Variants in DIS3L2 observed in about 807,000 individuals in gnomAD.
The protein encoded by DIS3L2 is DIS3 like 3'-5' exoribonuclease 2.
In DIS3L2, 34 loss-of-function variants were observed where a neutral mutation model predicts 97.5. That is an observed-to-expected ratio of 0.35 (90% CI 0.27 to 0.46). The LOEUF is 0.46. DIS3L2 is among the 20% of genes least tolerant of loss of function. The probability of loss-of-function intolerance (pLI) is 1.00; values close to 1 mark genes in which losing one functional copy is unlikely to be tolerated. For synonymous variants in DIS3L2, 435 were observed against 445.2 expected, an observed-to-expected ratio of 0.98 and a Z score of 0.29; for missense variants, 1,038 against 1,146.0, an observed-to-expected ratio of 0.91 and a Z score of 1.36.
chr2:232,194,662 A>G (rs1691700966), intron 9 of DIS3L2, among the ~76,000 whole-genome samples: 1 of 152,240 alleles, frequency 6.6e-6, no homozygotes, highest in South Asian at 2.1e-4. Flanking sequence ...GGAAAGAAAG[A>G]GAGGAGACTG....
At chr2:232,326,170 C>T (rs552363082) in intron 14 of DIS3L2, among the ~76,000 whole-genome samples, 75 of 152,226 alleles carry the variant, frequency 4.9e-4, no homozygotes, top group Admixed American at 1.6e-3. Flanking sequence ...CCTCCCCATC[C>T]CAGGACCTTG....
chr2:232,047,272 T>C (rs965787395), intron 5 of DIS3L2, among the ~76,000 whole-genome samples: 11 of 152,218 alleles, frequency 7.2e-5, no homozygotes, highest in African/African-American at 2.7e-4. Context: ...TGCAAGATCA[T>C]AGACTAGTGC....
rs1403581519 is a variant in DIS3L2 at position 232,136,757 on chromosome 2, G to A, written c.950+38G>A. 14 of 1,604,744 alleles carry A rather than the reference G, an allele frequency of 8.7e-6. No individual in the cohort carries two copies. In the East Asian group the frequency reaches 9.0e-5, roughly 10 times the overall value. Reference sequence around the variant, plus strand: ...TGGTAGGAAAAACCACAGGTCACAGGCAGAACTCAGTTTAGGTGGTCTTTA... The same window carrying A: ...TGGTAGGAAAAACCACAGGTCACAGACAGAACTCAGTTTAGGTGGTCTTTA... On this transcript the variant is annotated intron_variant, in intron 8 of 20. Transcript: ENST00000325385.
chr2:232,046,622 A>G (rs900394839), intron 5 of DIS3L2, among the ~76,000 whole-genome samples: 4 of 152,130 alleles, frequency 2.6e-5, no homozygotes, highest in Admixed American at 6.5e-5. Flanking sequence ...TAGACTCTAG[A>G]TCCCTCACTG....
At chr2:232,017,918 G>A (rs575046807) in intron 3 of DIS3L2, among the ~76,000 whole-genome samples, 1 of 152,156 alleles carries the variant, frequency 6.6e-6, no homozygotes, top group Admixed American at 6.5e-5. Flanking sequence ...TGGCTTTTAT[G>A]TTTCCCCCAG....
intron 5 of DIS3L2, among the ~76,000 whole-genome samples, chr2:232,048,686 G>A (rs1308269135): frequency 6.6e-6 from 1 of 151,508 alleles, no homozygotes; most frequent in Non-Finnish European, 1.5e-5. Context: ...GAGCCCAGAC[G>A]CGCCACTGCA....
In DIS3L2 at chr2:232,209,143, G is replaced by A. The variant is rs555946906; in HGVS notation, c.1125-1183G>A. ...TAATTAATACTCTCTTAGGATGGAAGTATTGTGGTTAGGATTAGAGAGGGC... is the reference window on the plus strand; with the variant it reads ...TAATTAATACTCTCTTAGGATGGAAATATTGTGGTTAGGATTAGAGAGGGC... On this transcript the variant is annotated intron_variant, in intron 9 of 20. Coordinates refer to ENST00000325385, the MANE Select transcript of DIS3L2 (RefSeq NM_152383.5). Among the ~76,000 whole-genome samples the A allele has an allele frequency of 1.8e-3, 275 of 152,278 alleles. 2 individuals are homozygous for A. Among genetic ancestry groups the A allele is most frequent in the African/African-American group, 6.4e-3 (268 of 41,552 alleles).
At chr2:232,248,290 C>G (rs1011171042) in intron 11 of DIS3L2, among the ~76,000 whole-genome samples, 4 of 152,140 alleles carry the variant, frequency 2.6e-5, no homozygotes, top group Non-Finnish European at 5.9e-5. Flanking sequence ...TATCCATGCT[C>G]AACACTGCAA....
intron 14 of DIS3L2, among the ~76,000 whole-genome samples, chr2:232,312,026 C>T (rs1695148508): frequency 6.6e-6 from 1 of 152,116 alleles, no homozygotes; most frequent in African/African-American, 2.4e-5. Context: ...AAATTTCTTG[C>T]CTGTTTTTCT....
chr2:232,334,796 G>A, intron 19 of DIS3L2, 61 bp downstream of exon 19: 2 of 1,460,888 alleles, frequency 1.4e-6, no homozygotes, highest in Non-Finnish European at 9.3e-7. Flanking sequence ...CGCACTGGAG[G>A]GGCACAGGCT....
intron 9 of DIS3L2, among the ~76,000 whole-genome samples, chr2:232,199,621 C>CA (rs772855093): frequency 6.3e-4 from 95 of 151,036 alleles, no homozygotes; most frequent in Non-Finnish European, 8.9e-4. Flanking sequence ...GTGCAAAAAG[C>CA]AAAATGAAAA....
chr2:232,311,444 G>C (rs1437544750), intron 14 of DIS3L2, among the ~76,000 whole-genome samples: 1 of 152,194 alleles, frequency 6.6e-6, no homozygotes, highest in African/African-American at 2.4e-5. Flanking sequence ...AATAGAACAT[G>C]GCCAGGTGCA....
chr2:232,012,211 A>G (rs1011636196), intron 1 of DIS3L2, among the ~76,000 whole-genome samples: 10 of 152,158 alleles, frequency 6.6e-5, no homozygotes, highest in Admixed American at 5.9e-4. Flanking sequence ...TTTATGGAGC[A>G]GCTTTTGAGC....
At chr2:232,236,410 G>A (rs1474081236) in intron 10 of DIS3L2, among the ~76,000 whole-genome samples, 1 of 152,188 alleles carries the variant, frequency 6.6e-6, no homozygotes. Flanking sequence ...AATGGAAAGG[G>A]AATTGATCCA....
At chr2:231,979,177 T>C (rs1482764845) in intron 1 of DIS3L2, among the ~76,000 whole-genome samples, 6 of 152,104 alleles carry the variant, frequency 3.9e-5, no homozygotes, top group African/African-American at 1.4e-4. Context: ...CCTATGTTCT[T>C]ACTGTATTTA....
In DIS3L2 at chr2:232,292,214, A is replaced by G. The variant is rs776141367; in HGVS notation, c.1660-7826A>G. ...AGGTCACATATCTTTTAATAGTTAC[A>G]TTAAAAGACTCAGTGGACACCCCTC... On this transcript the variant is annotated intron_variant, in intron 13 of 20. Transcript: ENST00000325385. This position sits in a 1 kb window ranked among gnomAD's most constrained non-coding sequence, Gnocchi z 4.4. Among the ~76,000 whole-genome samples, 6 of 152,172 alleles carry G rather than the reference A, an allele frequency of 3.9e-5. No individual in the cohort carries two copies. The highest frequency in any genetic ancestry group is 1.2e-4 in the African/African-American group (5 of 41,440).
chr2:232,008,384 T>G (rs185721926), intron 1 of DIS3L2, among the ~76,000 whole-genome samples: 2 of 151,998 alleles, frequency 1.3e-5, no homozygotes, highest in African/African-American at 4.8e-5. Flanking sequence ...ATTTGTCCAT[T>G]TTTTTTCTAA....
At chr2:232,340,781 T>C (rs757580314), downstream of DIS3L2, 9 of 471,216 alleles carry the variant, frequency 1.9e-5, no homozygotes, top group Admixed American at 4.7e-5. Context: ...CAGGCCACCC[T>C]CCAGAGCATC....
At chr2:232,108,414 A>T (rs1023006052) in intron 6 of DIS3L2, among the ~76,000 whole-genome samples, 2 of 152,212 alleles carry the variant, frequency 1.3e-5, no homozygotes, top group Non-Finnish European at 2.9e-5. Flanking sequence ...CCCATAGCTA[A>T]TATCATACAG....
Sources: gnomAD v4.1 joint callset for allele counts (sites outside exome capture counted in the v4.1 genomes callset) on GRCh38, gnomAD v4.1.1 for gene constraint, Gnocchi (gnomAD v3.1) non-coding constraint, MANE v1.5 for transcripts, NCBI Gene and HGNC (gene_info 2026-07-23, HGNC 2026-07-21) for gene names.